The following NRXN3 variants were observed in gnomAD, a reference collection of about 807,000 sequenced individuals.
The protein encoded by NRXN3 is neurexin 3.
Under a neutral mutation model 137.6 loss-of-function variants are expected in NRXN3, and 32 were observed. The ratio of observed to expected loss-of-function variants is 0.23; its 90% CI spans 0.18 to 0.31. The LOEUF is 0.31. NRXN3 is among the 10% of genes least tolerant of loss of function. The pLI is 1.00. For synonymous variants in NRXN3, 798 were observed against 784.5 expected (o/e 1.02, Z -0.29); for missense variants, 1,574 against 2,062.5 (o/e 0.76, Z 4.59).
chr14:78,226,420 T>A (rs188531294), intron 1 of NRXN3, among the ~76,000 whole-genome samples: 1 of 152,206 alleles, frequency 6.6e-6, no homozygotes, highest in African/African-American at 2.4e-5. Flanking sequence ...TTTCTGCGTA[T>A]ATTAAAAGAT....
At chr14:79,439,990 T>C (rs2095905995) in intron 15 of NRXN3, among the ~76,000 whole-genome samples, 1 of 152,216 alleles carries the variant, frequency 6.6e-6, no homozygotes, top group Admixed American at 6.5e-5. Flanking sequence ...CAGTATAAAT[T>C]GTACCAAGCA....
chr14:78,216,172 G>A (rs1189491334), intron 1 of NRXN3, among the ~76,000 whole-genome samples: 1 of 151,486 alleles, frequency 6.6e-6, no homozygotes, highest in Non-Finnish European at 1.5e-5. Flanking sequence ...AAGTATAAAA[G>A]TAATTATATT....
chr14:79,493,690 A>G (rs2096739088), intron 16 of NRXN3, among the ~76,000 whole-genome samples: 2 of 152,226 alleles, frequency 1.3e-5, no homozygotes, highest in African/African-American at 4.8e-5. Context: ...TGACTACACC[A>G]TCCATTAATA....
chr14:78,788,778 C>T (rs2098796778), intron 8 of NRXN3, among the ~76,000 whole-genome samples: 1 of 152,092 alleles, frequency 6.6e-6, no homozygotes. Flanking sequence ...TCAAATGGGC[C>T]ATCTGTTTTT....
intron 16 of NRXN3, among the ~76,000 whole-genome samples, chr14:79,522,408 C>T (rs768540613): frequency 9.2e-5 from 14 of 152,184 alleles, no homozygotes; most frequent in East Asian, 1.9e-4. Flanking sequence ...TCTGCTGTTA[C>T]AGTACAGACC....
intron 15 of NRXN3, among the ~76,000 whole-genome samples, chr14:79,137,072 C>A (rs2058308515): frequency 6.6e-6 from 1 of 152,196 alleles, no homozygotes; most frequent in Non-Finnish European, 1.5e-5. Flanking sequence ...AAATACTCCC[C>A]CAACCAAATA....
chr14:78,467,709 T>C (rs1381911407), intron 4 of NRXN3, among the ~76,000 whole-genome samples: 1 of 152,238 alleles, frequency 6.6e-6, no homozygotes, highest in African/African-American at 2.4e-5. Flanking sequence ...TAGACATGCA[T>C]GCAAGTGCAA....
chr14:78,201,005 C>T (rs1290400869), intron 1 of NRXN3, among the ~76,000 whole-genome samples: 1 of 152,188 alleles, frequency 6.6e-6, no homozygotes, highest in Non-Finnish European at 1.5e-5. Context: ...GGATTTGGAG[C>T]TCTTGAAGGT....
chr14:79,774,351 A>G (rs1359750967), intron 19 of NRXN3, among the ~76,000 whole-genome samples: 1 of 152,182 alleles, frequency 6.6e-6, no homozygotes. Flanking sequence ...GTCAATGGTA[A>G]TATCATCCAG....
chr14:79,546,517 T>C (rs1376797322), intron 16 of NRXN3, among the ~76,000 whole-genome samples: 3 of 152,168 alleles, frequency 2.0e-5, no homozygotes, highest in Non-Finnish European at 2.9e-5. Flanking sequence ...GTTTCAAAGA[T>C]GAACAAGTGA....
intron 16 of NRXN3, among the ~76,000 whole-genome samples, chr14:79,509,937 G>A (rs1420490175): frequency 6.6e-6 from 1 of 152,104 alleles, no homozygotes; most frequent in African/African-American, 2.4e-5. Flanking sequence ...TCATAGTTAA[G>A]GCCTTTCATG....
chr14:79,608,468 CTTCT>C (rs1253726614), intron 16 of NRXN3, among the ~76,000 whole-genome samples: 5 of 152,290 alleles, frequency 3.3e-5, no homozygotes, highest in African/African-American at 1.2e-4. Context: ...GAAGTGTCAT[CTTCT>C]TTCTTCAGTT....
At chr14:79,022,695 G>C (rs937615288) in intron 15 of NRXN3, among the ~76,000 whole-genome samples, 1 of 152,140 alleles carries the variant, frequency 6.6e-6, no homozygotes, top group Non-Finnish European at 1.5e-5. Context: ...GCAGCATTTG[G>C]TGTTGCTTGG....
chr14:79,599,767 G>A (rs2097902625), intron 16 of NRXN3, among the ~76,000 whole-genome samples: 1 of 152,196 alleles, frequency 6.6e-6, no homozygotes, highest in African/African-American at 2.4e-5. Flanking sequence ...GGCTGAGGCG[G>A]GCAGATCACC....
intron 19 of NRXN3, among the ~76,000 whole-genome samples, chr14:79,803,096 T>G (rs1329053153): frequency 6.6e-6 from 1 of 152,192 alleles, no homozygotes; most frequent in Admixed American, 6.6e-5. Context: ...GAGCAAGGTT[T>G]GAATTATACC....
At chr14:78,174,134 T>C (rs2059033913) in intron 1 of NRXN3, among the ~76,000 whole-genome samples, 1 of 152,130 alleles carries the variant, frequency 6.6e-6, no homozygotes, top group Non-Finnish European at 1.5e-5. Context: ...CATTAATAAT[T>C]TTTTTTGACC....
chr14:79,376,046 ATATG>A (rs2094266524), intron 15 of NRXN3, among the ~76,000 whole-genome samples: 1 of 134,872 alleles, frequency 7.4e-6, no homozygotes, highest in African/African-American at 2.5e-5. Context: ...ATATAAGTGT[ATATG>A]TAAGTAATAT....
intron 8 of NRXN3, among the ~76,000 whole-genome samples, chr14:78,725,888 C>A (rs956731386): frequency 6.6e-6 from 1 of 152,162 alleles, no homozygotes; most frequent in African/African-American, 2.4e-5. Flanking sequence ...CTTATTTAAT[C>A]TTTGCAATAA....
intron 4 of NRXN3, among the ~76,000 whole-genome samples, chr14:78,367,214 A>G (rs1447338157): frequency 1.3e-5 from 2 of 152,146 alleles, no homozygotes; most frequent in African/African-American, 4.8e-5. Context: ...AAAAATGTGC[A>G]TCTCTCAAAA....
Sources: allele counts gnomAD v4.1 joint callset (sites outside exome capture counted in the v4.1 genomes callset), GRCh38; gene constraint gnomAD v4.1.1; transcripts MANE v1.5; gene names NCBI Gene and HGNC (gene_info 2026-07-23, HGNC 2026-07-21).